IDE: variants seen among roughly 807,000 people sequenced by gnomAD.
The protein encoded by IDE is insulin degrading enzyme, also known as insulin-degrading enzyme.
A neutral mutation model predicts 133.2 loss-of-function variants in IDE; 58 were observed. The ratio of observed to expected loss-of-function variants is 0.44; its 90% CI spans 0.35 to 0.54. IDE has a LOEUF of 0.54. Among genes scored for constraint, IDE ranks in the 20% least tolerant of loss-of-function variants. IDE has a pLI of 0.00. For missense variants in IDE, 981 were observed against 1,234.0 expected (o/e 0.79, Z 3.07); for synonymous variants, 396 against 421.3 (o/e 0.94, Z 0.73).
At chr10:92,481,685 C>T (rs964616958) in intron 14 of IDE, among the ~76,000 whole-genome samples, 19 of 152,140 alleles carry the variant, frequency 1.2e-4, no homozygotes, top group African/African-American at 4.3e-4. Context: ...GATATAGACA[C>T]ACACATGAAA....
At chr10:92,566,409 TCTCTCACACA>T (rs1843551290) in intron 1 of IDE, among the ~76,000 whole-genome samples, 1 of 144,542 alleles carries the variant, frequency 6.9e-6, no homozygotes, top group Non-Finnish European at 1.5e-5. Flanking sequence ...TCTCTCTCTC[TCTCTCACACA>T]CACACACACA....
chr10:92,556,051 T>C (rs1204776941), intron 1 of IDE, among the ~76,000 whole-genome samples: 6 of 151,420 alleles, frequency 4.0e-5, no homozygotes, highest in Admixed American at 3.3e-4. Context: ...CGGGCGCCTG[T>C]AGTCCCAGCT....
At chr10:92,489,382 T>G (rs1847211492) in intron 12 of IDE, among the ~76,000 whole-genome samples, 1 of 152,052 alleles carries the variant, frequency 6.6e-6, no homozygotes, top group African/African-American at 2.4e-5. Flanking sequence ...AAACCCTGTC[T>G]CTACTAAAAA....
At chr10:92,511,178 T>C (rs1310437986) in intron 5 of IDE, among the ~76,000 whole-genome samples, 1 of 149,376 alleles carries the variant, frequency 6.7e-6, no homozygotes, top group East Asian at 2.0e-4. Context: ...CCCAGCTAAC[T>C]GCAACCTCTG....
At chr10:92,455,790 C>A in intron 23 of IDE, 147 bp from the exon 24 acceptor site, 1 of 576,124 alleles carries the variant, frequency 1.7e-6, no homozygotes, top group East Asian at 2.8e-5. Context: ...AGGTTGCCTG[C>A]TACCCAAGGC....
Position 92,466,269 on chromosome 10 carries a change from G to A in IDE, c.2321-426C>T, listed in dbSNP as rs144644992. On this transcript the variant is annotated intron_variant, in intron 19 of 24. Coordinates refer to ENST00000265986, the MANE Select transcript of IDE (RefSeq NM_004969.4). ...AAAAAAAAAGCAGAGAGAGAGGAAC[G>A]TGGCCTGTAAGCCTCTCTCCCTCAC... 4.0e-4 allele frequency among the ~76,000 whole-genome samples: 59 copies of A among 146,866 alleles called. 1 individual carries two copies. In the East Asian group the frequency reaches 6.9e-3, roughly 17 times the overall value.
chr10:92,497,600 T>C (rs1847782041), intron 11 of IDE: 1 of 313,220 alleles, frequency 3.2e-6, no homozygotes, highest in Admixed American at 6.5e-5. Flanking sequence ...TTCTTAAGAG[T>C]TTCCTGTTTA....
In IDE at chr10:92,456,396, C is replaced by T; in HGVS notation, c.2859G>A (p.Lys953=). ...CCCTGGCAAGAACATGGACGGATAC[C>T]TTATGTCTCCTTGGAGCATCTACTG... ...MLAVDAPRRH[K]VSVHVLAREM... Residue 953 remains lysine (K), a synonymous_variant, in exon 23 of 25, where the codon AAG becomes AAA. Coordinates refer to ENST00000265986, the MANE Select transcript of IDE (RefSeq NM_004969.4). 1 of 1,613,894 alleles carries T rather than the reference C, an allele frequency of 6.2e-7. No individual in the cohort carries two copies. The highest frequency in any genetic ancestry group is 8.5e-7 in the Non-Finnish European group (1 of 1,179,790).
intron 1 of IDE, among the ~76,000 whole-genome samples, chr10:92,565,385 G>C (rs563786930): frequency 2.7e-5 from 4 of 146,880 alleles, no homozygotes; most frequent in African/African-American, 1.0e-4. Context: ...ACTCCAGCCT[G>C]GGCAACACAG....
At chr10:92,515,346 G>A (rs1291654732) in intron 4 of IDE, among the ~76,000 whole-genome samples, 3 of 146,386 alleles carry the variant, frequency 2.0e-5, no homozygotes, top group African/African-American at 5.1e-5. Flanking sequence ...TGCAAGCTCC[G>A]CCTCCCGGGT....
chr10:92,516,901 C>T (rs1848958859), intron 4 of IDE, among the ~76,000 whole-genome samples: 1 of 152,208 alleles, frequency 6.6e-6, no homozygotes, highest in Non-Finnish European at 1.5e-5. Flanking sequence ...TAGTCAAATT[C>T]TCTAAATAAT....
chr10:92,484,715 G>A (rs547798942), intron 13 of IDE, among the ~76,000 whole-genome samples: 33 of 151,784 alleles, frequency 2.2e-4, no homozygotes, highest in Admixed American at 3.9e-4. Context: ...CCTAGGCAAC[G>A]GAGAGAGACT....
rs773863452 is a variant in IDE, at chr10:92,465,724, T to G, written c.2440A>C (p.Ile814Leu). ...GTGTTGAAGCAAGGTTCCGAGATAA[T>G]CTGACAGAAGAGCTCCAGAAACATA... ...ENMFLELFCQ[I>L]ISEPCFNTLR... is the part of the protein sequence containing the mutation. The change falls in exon 20 of 25, where the codon ATT (isoleucine) becomes CTT (leucine). Residue 814 changes from isoleucine (I) to leucine (L), a missense_variant. By Grantham distance (5) the Ile-to-Leu change is conservative. Transcript: ENST00000265986. 1 of 1,614,074 alleles carries G rather than the reference T, an allele frequency of 6.2e-7. No homozygotes were observed. The highest frequency in any genetic ancestry group is 2.2e-5 in the East Asian group (1 of 44,862).
In IDE at chr10:92,468,863, C is replaced by T. The variant is rs377323965; in HGVS notation, c.2320+16G>A. ...TCAAAATAGTCCATTCCCAAAGTTA[C>T]AACATCTCTACTTACTGTCAGGGAG... is the stretch of plus-strand genomic sequence containing the variant. On this transcript the variant is annotated intron_variant, in intron 19 of 24. Transcript: ENST00000265986. The T allele has an allele frequency of 7.3e-7, 1 of 1,372,678 alleles. No individual in the cohort carries two copies. The highest frequency in any genetic ancestry group is 1.0e-6 in the Non-Finnish European group (1 of 960,080). The allele number at this position is 1,372,678 out of a possible 1,614,324, so 85.0% of individuals were successfully genotyped here.
chr10:92,479,567 A>AAAAAAAAG, intron 14 of IDE, 146 bp from the exon 15 acceptor site: 1 of 622,760 alleles, frequency 1.6e-6, no homozygotes. Context: ...TCTTATGAGG[A>AAAAAAAAG]AAAAAAAGAA....
intron 5 of IDE, among the ~76,000 whole-genome samples, chr10:92,512,829 A>C (rs1198174085): frequency 6.6e-6 from 1 of 152,214 alleles, no homozygotes; most frequent in East Asian, 1.9e-4. Context: ...TGGTAACAAA[A>C]GTTACCATAA....
chr10:92,528,461 G>GA (rs777854346), intron 4 of IDE, among the ~76,000 whole-genome samples: 516 of 126,686 alleles, frequency 4.1e-3, no homozygotes, highest in Admixed American at 4.8e-3. Context: ...AGTTTCTCTA[G>GA]AAAAAAAAAA....
chr10:92,520,201 G>T (rs1298680508), intron 4 of IDE, among the ~76,000 whole-genome samples: 1 of 152,172 alleles, frequency 6.6e-6, no homozygotes, highest in African/African-American at 2.4e-5. Flanking sequence ...CCTAAGAAAT[G>T]TAATAATGGA....
At chr10:92,542,150 T>C (rs1347267841) in intron 1 of IDE, among the ~76,000 whole-genome samples, 1 of 152,188 alleles carries the variant, frequency 6.6e-6, no homozygotes, top group Admixed American at 6.5e-5. Flanking sequence ...TGAAGTCAGA[T>C]ATAAAAACAG....
Sources: gnomAD v4.1 joint callset for allele counts (sites outside exome capture counted in the v4.1 genomes callset) on GRCh38, gnomAD v4.1.1 for gene constraint, MANE v1.5 for transcripts, NCBI Gene and HGNC (gene_info 2026-07-23, HGNC 2026-07-21) for gene names.